SEL1L3: variants seen among roughly 807,000 people sequenced by gnomAD.
SEL1L3 encodes the protein protein sel-1 homolog 3.
SEL1L3 carries 76 observed loss-of-function variants against 142.8 expected under a neutral mutation model. That is an observed-to-expected ratio of 0.53 (90% CI 0.44 to 0.64). The LOEUF (loss-of-function observed/expected upper bound fraction) is 0.64. SEL1L3 is among the 30% of genes least tolerant of loss of function. The probability of loss-of-function intolerance (pLI) is 0.00; values close to 1 mark genes in which losing one functional copy is unlikely to be tolerated. For missense variants in SEL1L3, 1,262 were observed against 1,381.7 expected (o/e 0.91, Z 1.37); for synonymous variants, 504 against 519.6 (o/e 0.97, Z 0.41).
chr4:25,847,912 CTCA>C, intron 1 of SEL1L3, 48 bp from the exon 2 acceptor site: 3 of 1,099,462 alleles, frequency 2.7e-6, no homozygotes, highest in Non-Finnish European at 3.9e-6. Context: ...TTTAAAAATC[CTCA>C]TCATAACAGA....
intron 11 of SEL1L3, among the ~76,000 whole-genome samples, chr4:25,800,930 C>G (rs10012856): frequency 0.02 from 2,987 of 152,298 alleles, 95 homozygotes; most frequent in African/African-American, 0.069. Flanking sequence ...TTCCAGAAAC[C>G]AACCATTCCC....
At position 25,862,856 on chromosome 4, in the gene SEL1L3, G is replaced by C. The variant is rs896342932; in HGVS notation, c.-20C>G. The C allele has an allele frequency of 9.0e-5, 98 of 1,091,772 alleles. No homozygotes were observed. Among genetic ancestry groups the C allele is most frequent in the Non-Finnish European group, 1.1e-4 (96 of 900,272 alleles). The allele number at this position is 1,091,772 out of a possible 1,614,324, so 67.6% of individuals were successfully genotyped here. A position where few individuals can be genotyped will look rare whatever the true frequency, so the allele number is the denominator to read the frequency against. ...CTGCATGGCGAGGCCGCCCGGATCC[G>C]GGCCGGAACAGGTCACCTGGTGCAG... On this transcript the variant is annotated 5_prime_UTR_variant, in exon 1 of 24. Transcript: ENST00000399878.
At chr4:25,818,798 C>T (rs1000248194) in intron 8 of SEL1L3, among the ~76,000 whole-genome samples, 2 of 152,094 alleles carry the variant, frequency 1.3e-5, no homozygotes, top group African/African-American at 2.4e-5. Context: ...TCATATTTTC[C>T]GGATGATTCA....
intron 14 of SEL1L3, among the ~76,000 whole-genome samples, chr4:25,783,805 A>C (rs1711587011): frequency 6.6e-6 from 1 of 152,228 alleles, no homozygotes. Flanking sequence ...TTATCAATGC[A>C]CAGGAAACAA....
At chr4:25,840,794 T>C (rs566913792) in intron 2 of SEL1L3, among the ~76,000 whole-genome samples, 20 of 152,280 alleles carry the variant, frequency 1.3e-4, no homozygotes, top group Admixed American at 1.3e-3. Context: ...ATGGCACTCT[T>C]TCTCAGTAAG....
chr4:25,767,640 C>T (rs367566084), intron 18 of SEL1L3, 31 bp from the exon 19 acceptor site: 8 of 1,530,750 alleles, frequency 5.2e-6, no homozygotes, highest in African/African-American at 4.1e-5. Flanking sequence ...AAAGTTAATT[C>T]ATTAATATTT....
intron 1 of SEL1L3, among the ~76,000 whole-genome samples, chr4:25,848,636 A>G (rs1410873773): frequency 6.6e-6 from 1 of 152,260 alleles, no homozygotes. Flanking sequence ...CCAAAACACA[A>G]TAGAAAAAGG....
At chr4:25,723,657 C>T in the SEL1L3 span, among the ~76,000 whole-genome samples, 2 of 152,148 alleles carry the variant, frequency 1.3e-5, no homozygotes, top group African/African-American at 2.4e-5. Context: ...AGGAAATTCC[C>T]TTCCCAGAAG....
chr4:25,755,156 T>A (rs1717867647), intron 23 of SEL1L3, among the ~76,000 whole-genome samples: 2 of 152,162 alleles, frequency 1.3e-5, no homozygotes, highest in Admixed American at 6.6e-5. Context: ...TGATCATAGC[T>A]CACTGCAGCC....
chr4:25,841,630 T>C (rs1428845420), intron 2 of SEL1L3, among the ~76,000 whole-genome samples: 1 of 152,124 alleles, frequency 6.6e-6, no homozygotes, highest in East Asian at 1.9e-4. Flanking sequence ...TTTTCTGTTT[T>C]CTCCTTGGTG....
intron 17 of SEL1L3, among the ~76,000 whole-genome samples, chr4:25,771,978 C>T (rs1719252161): frequency 6.6e-6 from 1 of 152,194 alleles, no homozygotes; most frequent in African/African-American, 2.4e-5. Flanking sequence ...AGCACAAGCT[C>T]ATCAAACTGA....
intron 1 of SEL1L3, chr4:25,862,055 T>G (rs987782305): frequency 2.6e-5 from 4 of 152,186 alleles, no homozygotes; most frequent in African/African-American, 9.7e-5. Flanking sequence ...AAGTCACCAC[T>G]CTGGCGGTAA....
chr4:25,729,238 G>A, the SEL1L3 span, among the ~76,000 whole-genome samples: 1 of 152,148 alleles, frequency 6.6e-6, no homozygotes, highest in Admixed American at 6.5e-5. Flanking sequence ...GCTGGTCTAT[G>A]GAAGCTGTGC....
intron 10 of SEL1L3, among the ~76,000 whole-genome samples, chr4:25,803,760 A>C (rs1039474381): frequency 3.3e-5 from 5 of 151,956 alleles, no homozygotes; most frequent in Admixed American, 1.3e-4. Flanking sequence ...TGAGGCAGGA[A>C]GACATCAGGG....
chr4:25,854,637 C>G (rs1490430095), intron 1 of SEL1L3, among the ~76,000 whole-genome samples: 1 of 152,126 alleles, frequency 6.6e-6, no homozygotes, highest in Non-Finnish European at 1.5e-5. Context: ...AGAAGATATG[C>G]TTTGTTAGGA....
intron 16 of SEL1L3, chr4:25,777,845 G>A: frequency 2.2e-6 from 1 of 456,210 alleles, no homozygotes; most frequent in Non-Finnish European, 4.4e-6. Flanking sequence ...TGGAGAGCCA[G>A]GGTATCAGTG....
chr4:25,776,858 A>G (rs1027965483), intron 16 of SEL1L3: 1 of 152,190 alleles, frequency 6.6e-6, no homozygotes, highest in Admixed American at 6.6e-5. Context: ...TACTTGATTA[A>G]TACAAAGGAA....
intron 9 of SEL1L3, among the ~76,000 whole-genome samples, chr4:25,809,300 C>G (rs1297405656): frequency 1.5e-5 from 2 of 129,054 alleles, no homozygotes; most frequent in Non-Finnish European, 3.2e-5. Flanking sequence ...GCACACCGTG[C>G]TTGGCTAATT....
intron 17 of SEL1L3, among the ~76,000 whole-genome samples, 178 bp downstream of exon 17, chr4:25,776,099 T>C (rs528206162): frequency 1.3e-5 from 2 of 152,330 alleles, no homozygotes; most frequent in East Asian, 1.9e-4. Flanking sequence ...TAATTAAACA[T>C]GGAAATGCTA....
Sources: gnomAD v4.1 joint callset for allele counts (sites outside exome capture counted in the v4.1 genomes callset) on GRCh38, gnomAD v4.1.1 for gene constraint, MANE v1.5 for transcripts, NCBI Gene and HGNC (gene_info 2026-07-23, HGNC 2026-07-21) for gene names.